The following DNAH3 variants were observed in gnomAD, a reference collection of about 807,000 sequenced individuals.
DNAH3 encodes axonemal beta dynein heavy chain 3.
Under a neutral mutation model 432.5 loss-of-function variants are expected in DNAH3, and 332 were observed. The observed-to-expected ratio is 0.77, with a 90% CI of 0.70 to 0.84. The LOEUF is 0.84. Among genes scored for constraint, DNAH3 ranks in the 40% least tolerant of loss-of-function variants. The pLI is 0.00. For missense variants in DNAH3, 4,861 were observed against 5,114.0 expected, an observed-to-expected ratio of 0.95 and a Z score of 1.51; for synonymous variants, 1,956 against 1,900.2, an observed-to-expected ratio of 1.03 and a Z score of -0.76.
At chr16:21,088,982 T>C (rs1445079837) in intron 18 of DNAH3, among the ~76,000 whole-genome samples, 1 of 152,186 alleles carries the variant, frequency 6.6e-6, no homozygotes, top group Non-Finnish European at 1.5e-5. Flanking sequence ...GGGAAAAACA[T>C]GTGTCTCTAC....
chr16:20,998,443 GGGTTTCA>G (rs2086860036), intron 43 of DNAH3, among the ~76,000 whole-genome samples: 1 of 151,912 alleles, frequency 6.6e-6, no homozygotes, highest in South Asian at 2.1e-4. Flanking sequence ...AGTAGAGACG[GGGTTTCA>G]CCATGTTGGC....
At chr16:20,955,300 C>T (rs1282482577) in intron 54 of DNAH3, among the ~76,000 whole-genome samples, 1 of 152,144 alleles carries the variant, frequency 6.6e-6, no homozygotes, top group South Asian at 2.1e-4. Context: ...CCTTTTATTT[C>T]CCTTAAGCCT....
chr16:21,010,718 T>C (rs1228081471), intron 41 of DNAH3, among the ~76,000 whole-genome samples: 1 of 152,012 alleles, frequency 6.6e-6, no homozygotes, highest in Non-Finnish European at 1.5e-5. Context: ...TGGGCCCTCA[T>C]GGACAGGCTA....
At chr16:21,158,058 C>A (rs573162516) in intron 1 of DNAH3, among the ~76,000 whole-genome samples, 2 of 152,282 alleles carry the variant, frequency 1.3e-5, no homozygotes, top group South Asian at 2.1e-4. Flanking sequence ...CTCTATAGGG[C>A]AGATTTGGGG....
chr16:20,983,869 T>C (rs557759779), intron 48 of DNAH3, among the ~76,000 whole-genome samples: 43 of 151,472 alleles, frequency 2.8e-4, no homozygotes, highest in Non-Finnish European at 5.2e-4. Context: ...TCTACAAAAA[T>C]GGAAAAAATT....
chr16:21,032,623 C>T lies in DNAH3; in HGVS notation c.5198-1337G>A, dbSNP rs150070090. ...AGCTCAGGAGTTCGAGACCAGCCTG[C>T]GCAATATGGCAAAACCCCATCTCTA... On this transcript the variant is annotated intron_variant, in intron 36 of 61. Transcript: ENST00000261383. Among the ~76,000 whole-genome samples the T allele has an allele frequency of 2.9e-3, 435 of 151,678 alleles. 1 individual carries two copies. The highest frequency in any genetic ancestry group is 9.6e-3 in the African/African-American group (397 of 41,350).
intron 17 of DNAH3, 110 bp from the exon 18 acceptor site, chr16:21,097,609 T>A (rs2091722834): frequency 4.6e-6 from 6 of 1,312,258 alleles, no homozygotes; most frequent in Non-Finnish European, 5.4e-6. Flanking sequence ...GGGAAATGCT[T>A]ATTCATCTGG....
chr16:21,136,372 C>T lies in DNAH3; in HGVS notation c.838G>A (p.Val280Met), dbSNP rs141761689. 77 of 1,614,032 alleles carry T rather than the reference C, an allele frequency of 4.8e-5. No individual in the cohort carries two copies. In the African/African-American group the frequency reaches 7.3e-4, roughly 15 times the overall value. Residue 280 changes from valine to methionine, a missense_variant, in exon 6 of 62, where the codon GTG (valine) becomes ATG (methionine). By Grantham distance (21) the Val-to-Met change is conservative. Coordinates refer to ENST00000261383, the Ensembl canonical transcript of DNAH3. ...TAATAGTCATTCTCCTTCTCCTGCA[C>T]GAGGACCACCATCAGGGGCTCCAGG...
chr16:21,153,028 G>A (rs938427684), intron 1 of DNAH3, among the ~76,000 whole-genome samples: 2 of 152,238 alleles, frequency 1.3e-5, no homozygotes, highest in Non-Finnish European at 2.9e-5. Context: ...CAGCCCCGGT[G>A]CAGGAGCCAC....
intron 54 of DNAH3, 71 bp from the exon 55 acceptor site, chr16:20,955,128 AAACAAT>A (rs1433448910): frequency 4.1e-6 from 6 of 1,462,062 alleles, no homozygotes; most frequent in East Asian, 2.3e-5. Context: ...AACAAAAACA[AAACAAT>A]AACAATAACA....
In DNAH3 at chr16:21,031,025, A is replaced by G. The variant is rs751460506; in HGVS notation, c.5439+20T>C. On this transcript the variant is annotated intron_variant, in intron 37 of 61. Coordinates refer to ENST00000261383, the Ensembl canonical transcript of DNAH3. ...TTTATGTCTCACTCATGGAAAAGTC[A>G]TATCAGGGTCAATACTTACCTTTTT... is the stretch of plus-strand genomic sequence containing the variant. 19 of 1,612,846 alleles carry G rather than the reference A, an allele frequency of 1.2e-5. No individual in the cohort carries two copies. The African/African-American group carries it at 1.2e-4, about 10-fold the overall frequency.
chr16:21,067,143 T>G, intron 24 of DNAH3, 140 bp downstream of exon 24: 1 of 944,648 alleles, frequency 1.1e-6, no homozygotes, highest in Non-Finnish European at 1.6e-6. Flanking sequence ...GCCCCATTCC[T>G]GAAAACTGTC....
In DNAH3 at chr16:21,120,893, T is replaced by C. The variant is rs531771470; in HGVS notation, c.1585-39A>G. 3.1e-5 allele frequency: 45 copies of C among 1,468,510 alleles called. 1 individual carries two copies. The South Asian group carries it at 5.0e-4, about 16-fold the overall frequency. The allele number at this position is 1,468,510 out of a possible 1,614,324, so 91.0% of individuals were successfully genotyped here. A position where few individuals can be genotyped will look rare whatever the true frequency, so the allele number is the denominator to read the frequency against. The stretch of plus-strand genomic sequence containing the variant: ...TAGTCATCCAAATTACAGGGTCTTT[T>C]CTTCCATTTCCTTCCTAGGGATACT... On this transcript the variant is annotated intron_variant, in intron 10 of 61. Coordinates refer to ENST00000261383, the Ensembl canonical transcript of DNAH3.
exon 42 of DNAH3, chr16:21,003,166 G>A (rs768049005): frequency 1.2e-6 from 2 of 1,612,250 alleles, no homozygotes; most frequent in African/African-American, 2.7e-5. Context: ...GTTTCCCAAT[G>A]TCCACTAGCT....
At chr16:20,936,795 C>T in exon 60 of DNAH3, 1 of 1,613,722 alleles carries the variant, frequency 6.2e-7, no homozygotes, top group South Asian at 1.1e-5. Flanking sequence ...GACATCAGGA[C>T]CTGTCCTTTG....
chr16:21,061,573 C>T (rs2090363094), intron 25 of DNAH3, among the ~76,000 whole-genome samples: 1 of 152,210 alleles, frequency 6.6e-6, no homozygotes, highest in Non-Finnish European at 1.5e-5. Context: ...CAGACAACTT[C>T]TCAGAAGGCA....
exon 12 of DNAH3, chr16:21,117,283 A>G (rs2152808623): frequency 6.2e-7 from 1 of 1,611,872 alleles, no homozygotes; most frequent in Non-Finnish European, 8.5e-7. Flanking sequence ...CTTCTGCGTT[A>G]ACAGTTCCAA....
intron 23 of DNAH3, among the ~76,000 whole-genome samples, chr16:21,069,171 T>C (rs858185): frequency 0.34 from 51,309 of 151,852 alleles, 8,918 homozygotes; most frequent in East Asian, 0.54. Context: ...TCTGGAACTC[T>C]TGACCTCAAG....
chr16:21,113,566 C>T (rs1036145710), intron 12 of DNAH3, among the ~76,000 whole-genome samples: 12 of 152,160 alleles, frequency 7.9e-5, no homozygotes, highest in Non-Finnish European at 1.5e-4. Flanking sequence ...TCAAGTGATT[C>T]TCTTGCCTCA....
Sources: allele counts gnomAD v4.1 joint callset (sites outside exome capture counted in the v4.1 genomes callset), GRCh38; gene constraint gnomAD v4.1.1; transcripts MANE v1.5; gene names NCBI Gene and HGNC (gene_info 2026-07-23, HGNC 2026-07-21).